SRBD1: variants seen among roughly 807,000 people sequenced by gnomAD.
SRBD1 encodes S1 RNA-binding domain-containing protein 1.
SRBD1 carries 88 observed loss-of-function variants against 115.3 expected under a neutral mutation model. The ratio of observed to expected loss-of-function variants is 0.76; its 90% CI spans 0.64 to 0.91. The LOEUF is 0.91. Among genes scored for constraint, SRBD1 ranks in the 40% least tolerant of loss-of-function variants. The probability of loss-of-function intolerance (pLI) is 0.00; values close to 1 mark genes in which losing one functional copy is unlikely to be tolerated. For missense variants in SRBD1, 1,385 were observed against 1,177.4 expected (o/e 1.18, Z -2.58); for synonymous variants, 509 against 407.7 (o/e 1.25, Z -2.99).
intron 1 of SRBD1, among the ~76,000 whole-genome samples, chr2:45,610,859 C>T (rs1261286078): frequency 6.6e-6 from 1 of 151,326 alleles, no homozygotes; most frequent in Non-Finnish European, 1.5e-5. Context: ...ATCCGGGAGG[C>T]GGAGCTTGCA....
intron 15 of SRBD1, among the ~76,000 whole-genome samples, chr2:45,479,924 C>G (rs1296079866): frequency 2.0e-5 from 3 of 152,168 alleles, no homozygotes; most frequent in African/African-American, 7.2e-5. Flanking sequence ...GAAGTCAAGG[C>G]TCATTTGCCA....
chr2:45,598,397 G>A (rs569512355), intron 4 of SRBD1, among the ~76,000 whole-genome samples: 10 of 151,920 alleles, frequency 6.6e-5, no homozygotes, highest in South Asian at 4.2e-4. Flanking sequence ...GGCAGATCAC[G>A]AGGCAGGCAG....
chr2:45,549,978 A>C (rs991857065), intron 12 of SRBD1, among the ~76,000 whole-genome samples: 2 of 152,172 alleles, frequency 1.3e-5, no homozygotes, highest in African/African-American at 4.8e-5. Flanking sequence ...TTCAGAAATG[A>C]AAATCTAAAC....
At chr2:45,419,751 C>G in intron 17 of SRBD1, 37 bp downstream of exon 17, 1 of 1,595,138 alleles carries the variant, frequency 6.3e-7, no homozygotes, top group Non-Finnish European at 8.6e-7. Context: ...CAGTTAAACT[C>G]AAGATTCTGT....
At chr2:45,429,848 A>G (rs1668277680) in intron 16 of SRBD1, among the ~76,000 whole-genome samples, 1 of 152,216 alleles carries the variant, frequency 6.6e-6, no homozygotes. Context: ...AGGAAATCAA[A>G]TTGTCTCTGT....
intron 16 of SRBD1, among the ~76,000 whole-genome samples, chr2:45,461,659 C>T (rs1226269179): frequency 6.1e-5 from 9 of 148,452 alleles, no homozygotes; most frequent in African/African-American, 2.3e-4. Flanking sequence ...GATTCAACTG[C>T]CCCCCCCAAC....
chr2:45,506,576 C>G (rs933170400), intron 14 of SRBD1, among the ~76,000 whole-genome samples: 7 of 152,148 alleles, frequency 4.6e-5, no homozygotes, highest in Non-Finnish European at 1.5e-5. Context: ...CACACTAAAT[C>G]AGCCCAGGGG....
At chr2:45,509,372 G>A (rs961399611) in intron 14 of SRBD1, among the ~76,000 whole-genome samples, 6 of 151,994 alleles carry the variant, frequency 3.9e-5, no homozygotes, top group African/African-American at 7.2e-5. Context: ...CGAGGCGGGC[G>A]GATCATGAGG....
At chr2:45,525,529 G>A (rs1251577230) in intron 14 of SRBD1, among the ~76,000 whole-genome samples, 5 of 151,928 alleles carry the variant, frequency 3.3e-5, no homozygotes, top group Non-Finnish European at 5.9e-5. Flanking sequence ...ACAACATGGT[G>A]ACTATAGTTA....
chr2:45,448,811 C>T (rs1341153463), intron 16 of SRBD1, among the ~76,000 whole-genome samples: 2 of 152,056 alleles, frequency 1.3e-5, no homozygotes, highest in Admixed American at 6.5e-5. Context: ...TTAATAAATA[C>T]TTTTTTCTCC....
chr2:45,520,545 C>G (rs1276133347), intron 14 of SRBD1, among the ~76,000 whole-genome samples: 1 of 152,218 alleles, frequency 6.6e-6, no homozygotes, highest in African/African-American at 2.4e-5. Flanking sequence ...GAGATACAGG[C>G]ATTCTTGTTT....
intron 14 of SRBD1, chr2:45,546,091 T>C (rs1672111406): frequency 1.1e-6 from 1 of 877,150 alleles, no homozygotes; most frequent in Non-Finnish European, 1.4e-6. Flanking sequence ...TCTACTATAG[T>C]TTGGAAAAGG....
intron 18 of SRBD1, among the ~76,000 whole-genome samples, chr2:45,413,896 C>G (rs572213997): frequency 6.6e-6 from 1 of 152,036 alleles, no homozygotes; most frequent in East Asian, 1.9e-4. Flanking sequence ...CCTGCCACTG[C>G]ACTCCAGTTT....
chr2:45,485,803 CT>C (rs1670102175), intron 15 of SRBD1, among the ~76,000 whole-genome samples: 1 of 152,122 alleles, frequency 6.6e-6, no homozygotes, highest in African/African-American at 2.4e-5. Context: ...AAAGTCACCC[CT>C]GGCATCAATC....
intron 14 of SRBD1, among the ~76,000 whole-genome samples, chr2:45,492,809 C>A (rs1381588588): frequency 6.6e-6 from 1 of 152,162 alleles, no homozygotes; most frequent in Non-Finnish European, 1.5e-5. Context: ...CATGAAGACT[C>A]TGCATGAATC....
intron 19 of SRBD1, among the ~76,000 whole-genome samples, chr2:45,396,677 G>T (rs1315739846): frequency 1.3e-5 from 2 of 152,166 alleles, no homozygotes; most frequent in Admixed American, 1.3e-4. Context: ...CTTGTTATAA[G>T]TGCAGGGCTT....
chr2:45,573,936 A>C (rs1673097234), intron 8 of SRBD1, among the ~76,000 whole-genome samples: 1 of 152,220 alleles, frequency 6.6e-6, no homozygotes, highest in African/African-American at 2.4e-5. Flanking sequence ...CAGCTCAAAC[A>C]GCTAGATATG....
intron 14 of SRBD1, among the ~76,000 whole-genome samples, chr2:45,542,367 C>T (rs1671971967): frequency 6.6e-6 from 1 of 152,218 alleles, no homozygotes; most frequent in Admixed American, 6.5e-5. Context: ...ATCGCAGGCC[C>T]CTGAGAGTGC....
intron 14 of SRBD1, among the ~76,000 whole-genome samples, chr2:45,504,805 T>G (rs945982474): frequency 6.6e-6 from 1 of 152,128 alleles, no homozygotes; most frequent in African/African-American, 2.4e-5. Flanking sequence ...CCTGGCCCTT[T>G]TAGATTTGAT....
Sources: allele counts gnomAD v4.1 joint callset (sites outside exome capture counted in the v4.1 genomes callset), GRCh38; gene constraint gnomAD v4.1.1; transcripts MANE v1.5; gene names NCBI Gene and HGNC (gene_info 2026-07-23, HGNC 2026-07-21).